Variants in DPYD observed in about 807,000 individuals in gnomAD.
The protein encoded by DPYD is dihydropyrimidine dehydrogenase [NADP(+)].
A neutral mutation model predicts 116.2 loss-of-function variants in DPYD; 109 were observed. The ratio of observed to expected loss-of-function variants is 0.94; its 90% CI spans 0.80 to 1.10. The LOEUF (loss-of-function observed/expected upper bound fraction) is 1.10. Among genes scored for constraint, DPYD ranks in the 50% least tolerant of loss-of-function variants. The probability of loss-of-function intolerance (pLI) is 0.00; values close to 1 mark genes in which losing one functional copy is unlikely to be tolerated. For synonymous variants in DPYD, 440 were observed against 432.0 expected, an observed-to-expected ratio of 1.02 and a Z score of -0.23; for missense variants, 1,302 against 1,254.5, an observed-to-expected ratio of 1.04 and a Z score of -0.57.
chr1:97,240,256 A>G (rs767612931), intron 18 of DPYD, among the ~76,000 whole-genome samples: 9 of 151,628 alleles, frequency 5.9e-5, no homozygotes, highest in Admixed American at 3.3e-4. Context: ...TTTTTTTGAG[A>G]AGCAAAATGT....
intron 20 of DPYD, among the ~76,000 whole-genome samples, chr1:97,149,734 A>G (rs1263012438): frequency 1.3e-5 from 2 of 152,264 alleles, no homozygotes; most frequent in Non-Finnish European, 2.9e-5. Flanking sequence ...CATTAATCCA[A>G]GAGCAGGACC....
chr1:97,275,660 C>T (rs1048482197), intron 18 of DPYD, among the ~76,000 whole-genome samples: 1 of 152,094 alleles, frequency 6.6e-6, no homozygotes, highest in South Asian at 2.1e-4. Context: ...ATGCACACAC[C>T]TTAAAGGGAG....
At chr1:97,771,423 C>T (rs912143226) in intron 3 of DPYD, among the ~76,000 whole-genome samples, 1 of 151,990 alleles carries the variant, frequency 6.6e-6, no homozygotes, top group Non-Finnish European at 1.5e-5. Context: ...AGTAATATAT[C>T]CTATAGAGAC....
At chr1:97,467,281 A>C (rs2101840454) in intron 13 of DPYD, among the ~76,000 whole-genome samples, 1 of 152,304 alleles carries the variant, frequency 6.6e-6, no homozygotes, top group South Asian at 2.1e-4. Context: ...TACCTAGAGA[A>C]AGTCAAACCC....
chr1:97,305,240 A>G lies in DPYD; in HGVS notation c.2299+19T>C, dbSNP rs780350221. ...GCAACCTCCAAGAAAGCACAATGCA[A>G]GAAGTGGGCAACACCTACCAGACAC... On this transcript the variant is annotated intron_variant, in intron 18 of 22. Transcript: ENST00000370192. The G allele has an allele frequency of 2.5e-6, 4 of 1,611,996 alleles. No homozygotes were observed. Among genetic ancestry groups the G allele is most frequent in the Non-Finnish European group, 2.5e-6 (3 of 1,178,558 alleles).
intron 20 of DPYD, among the ~76,000 whole-genome samples, chr1:97,137,145 T>C (rs893058197): frequency 3.3e-5 from 5 of 152,234 alleles, no homozygotes; most frequent in African/African-American, 1.2e-4. Context: ...CTTTTGTTGC[T>C]GTGGAACAGC....
chr1:97,592,460 G>A (rs911606727), intron 10 of DPYD, among the ~76,000 whole-genome samples: 13 of 152,186 alleles, frequency 8.5e-5, no homozygotes, highest in Non-Finnish European at 1.3e-4. Context: ...TCCGCCTCCC[G>A]GGTTCACGCC....
chr1:97,618,469 G>A (rs370342769), intron 8 of DPYD, among the ~76,000 whole-genome samples: 9 of 151,090 alleles, frequency 6.0e-5, no homozygotes, highest in African/African-American at 1.2e-4. Flanking sequence ...TCCGCCTCCC[G>A]GGTTCAAGCA....
chr1:97,489,664 T>C (rs1478355865), intron 13 of DPYD, among the ~76,000 whole-genome samples: 3 of 152,210 alleles, frequency 2.0e-5, no homozygotes, highest in South Asian at 2.1e-4. Context: ...GTACTTACTA[T>C]GCCCTGAGTA....
intron 8 of DPYD, among the ~76,000 whole-genome samples, chr1:97,657,506 G>T (rs1016690287): frequency 1.3e-5 from 2 of 152,164 alleles, no homozygotes; most frequent in South Asian, 4.1e-4. Flanking sequence ...GTAATATAAA[G>T]CAAATTATTT....
chr1:97,496,744 G>A (rs1363955043), intron 13 of DPYD, among the ~76,000 whole-genome samples: 1 of 151,828 alleles, frequency 6.6e-6, no homozygotes, highest in East Asian at 1.9e-4. Context: ...TGCTTCCTCT[G>A]TAGTTTTATA....
At chr1:97,759,972 G>A (rs1665482017) in intron 3 of DPYD, among the ~76,000 whole-genome samples, 1 of 152,124 alleles carries the variant, frequency 6.6e-6, no homozygotes, top group Admixed American at 6.6e-5. Context: ...CACGCAGAAA[G>A]GAATGGGAAG....
chr1:97,386,017 G>A (rs991284791), intron 14 of DPYD, among the ~76,000 whole-genome samples: 6 of 152,118 alleles, frequency 3.9e-5, no homozygotes, highest in Non-Finnish European at 2.9e-5. Context: ...AGGACATTGC[G>A]AGAATCATGC....
Position 97,312,775 on chromosome 1 carries a change from A to G in DPYD, c.2059-6478T>C, listed in dbSNP as rs187044010. Among the ~76,000 whole-genome samples, 216 of 152,004 alleles carry G rather than the reference A, an allele frequency of 1.4e-3. 2 individuals are homozygous for G. Among genetic ancestry groups the G allele is most frequent in the South Asian group, 0.01 (50 of 4,832 alleles). ...GCAGTGATTACCTCTGAAACGTTCC[A>G]TATTTTGAATGTGGTATAATCGGGT... On this transcript the variant is annotated intron_variant, in intron 16 of 22. Coordinates refer to ENST00000370192, the MANE Select transcript of DPYD (RefSeq NM_000110.4).
intron 19 of DPYD, among the ~76,000 whole-genome samples, chr1:97,230,463 A>G (rs1184113698): frequency 6.6e-6 from 1 of 152,152 alleles, no homozygotes; most frequent in Non-Finnish European, 1.5e-5. Context: ...GAGGGGAATG[A>G]CACACACTGG....
chr1:97,817,217 T>C (rs370764015), intron 3 of DPYD, among the ~76,000 whole-genome samples: 3 of 152,112 alleles, frequency 2.0e-5, no homozygotes, highest in Middle Eastern at 3.4e-3. Context: ...AAGCTAAAAA[T>C]ACATGCTATC....
At position 97,492,257 on chromosome 1, in the gene DPYD, A is replaced by C. The variant is rs1008863391; in HGVS notation, c.1740+23469T>G. Among the ~76,000 whole-genome samples the C allele has an allele frequency of 2.6e-4, 39 of 152,160 alleles. 1 individual carries two copies. The highest frequency in any genetic ancestry group is 2.2e-3 in the Admixed American group (34 of 15,272). ...TTTGATATAATGTAATTTTTTAAGT[A>C]GCTTTTTTTCCATAAGGAGAAACAT... On this transcript the variant is annotated intron_variant, in intron 13 of 22. Transcript: ENST00000370192.
intron 8 of DPYD, among the ~76,000 whole-genome samples, chr1:97,670,425 G>T (rs1476934647): frequency 2.6e-5 from 4 of 152,096 alleles, no homozygotes; most frequent in Non-Finnish European, 4.4e-5. Context: ...CTTATAGAAA[G>T]AAGAAACGTC....
rs74784253 is a variant in DPYD at position 97,340,986 on chromosome 1, C to A, written c.2058+32575G>T. Among the ~76,000 whole-genome samples, 11 of 152,216 alleles carry A rather than the reference C, an allele frequency of 7.2e-5. No individual in the cohort carries two copies. In the East Asian group the frequency reaches 2.1e-3, roughly 29 times the overall value. The stretch of plus-strand genomic sequence containing the variant: ...TTTAATAAATCTAAATCTAAACCAA[C>A]AGATGACCTACCTCACCCCTTTATC... On this transcript the variant is annotated intron_variant, in intron 16 of 22. Transcript: ENST00000370192.
Sources: gnomAD v4.1 joint callset for allele counts (sites outside exome capture counted in the v4.1 genomes callset) on GRCh38, gnomAD v4.1.1 for gene constraint, MANE v1.5 for transcripts, NCBI Gene and HGNC (gene_info 2026-07-23, HGNC 2026-07-21) for gene names.